RSPO3: variants seen among roughly 807,000 people sequenced by gnomAD.
RSPO3 encodes the protein R-spondin 3.
In RSPO3, 17 loss-of-function variants were observed where a neutral mutation model predicts 36.5. The observed-to-expected ratio is 0.47, with a 90% CI of 0.32 to 0.70. The LOEUF is 0.70. Ranked by LOEUF, RSPO3 falls within the 30% of genes least tolerant of loss-of-function variation. The probability of loss-of-function intolerance (pLI) is 0.04; values close to 1 mark genes in which losing one functional copy is unlikely to be tolerated. For missense variants in RSPO3, 294 were observed against 322.5 expected (o/e 0.91, Z 0.68); for synonymous variants, 108 against 107.0 (o/e 1.01, Z -0.06).
chr6:127,125,269 G>A (rs990510212), intron 1 of RSPO3, among the ~76,000 whole-genome samples: 3 of 152,056 alleles, frequency 2.0e-5, no homozygotes, highest in African/African-American at 7.2e-5. Flanking sequence ...CCTTATTAAT[G>A]TTTCATCTGA....
intron 2 of RSPO3, among the ~76,000 whole-genome samples, chr6:127,149,762 T>C (rs974496211): frequency 6.6e-6 from 1 of 152,080 alleles, no homozygotes. Flanking sequence ...ATAACTTTTG[T>C]GAGCCTCAGT....
chr6:127,126,596 A>G (rs557598332), intron 1 of RSPO3, among the ~76,000 whole-genome samples: 1 of 152,082 alleles, frequency 6.6e-6, no homozygotes, highest in Admixed American at 6.6e-5. Flanking sequence ...CACAGATCAT[A>G]AGGAGACCTG....
rs150542380 is a variant in RSPO3 at position 127,123,144 on chromosome 6, A to T, written c.97+3855A>T. Among the ~76,000 whole-genome samples the T allele has an allele frequency of 3.5e-4, 54 of 152,304 alleles. 1 individual carries two copies. In the East Asian group the frequency reaches 9.4e-3, roughly 27 times the overall value. On this transcript the variant is annotated intron_variant, in intron 1 of 4. Transcript: ENST00000356698. ...GAATGTACTGGTCATTGCTCATGAC[A>T]TTGTTTCAGATGTTGAGCCAGTCTT...
chr6:127,127,235 T>C (rs1319266130), intron 1 of RSPO3, among the ~76,000 whole-genome samples: 1 of 152,112 alleles, frequency 6.6e-6, no homozygotes, highest in African/African-American at 2.4e-5. Context: ...GATAAGTTGG[T>C]AAGAAAAACA....
At chr6:127,194,708 T>C (rs1775478265) in intron 4 of RSPO3, among the ~76,000 whole-genome samples, 1 of 152,212 alleles carries the variant, frequency 6.6e-6, no homozygotes, top group African/African-American at 2.4e-5. Flanking sequence ...TTGGCTACAA[T>C]AATACCTTTT....
intron 1 of RSPO3, among the ~76,000 whole-genome samples, chr6:127,130,555 T>C (rs1195224425): frequency 2.6e-5 from 4 of 152,284 alleles, no homozygotes; most frequent in Non-Finnish European, 4.4e-5. Flanking sequence ...CTAATAGTTA[T>C]CATGACCTGA....
At chr6:127,176,118 C>T (rs1026830842) in intron 4 of RSPO3, among the ~76,000 whole-genome samples, 9 of 151,544 alleles carry the variant, frequency 5.9e-5, no homozygotes, top group African/African-American at 1.7e-4. Flanking sequence ...GGGTTTTTGA[C>T]CCCAATGTTA....
At chr6:127,154,285 T>C (rs1168644597) in intron 3 of RSPO3, among the ~76,000 whole-genome samples, 1 of 152,170 alleles carries the variant, frequency 6.6e-6, no homozygotes, top group African/African-American at 2.4e-5. Context: ...TTGCTAGCTG[T>C]TGTTATACAT....
At chr6:127,192,853 T>A (rs942379312) in intron 4 of RSPO3, 1 of 242,002 alleles carries the variant, frequency 4.1e-6, no homozygotes, top group Non-Finnish European at 6.7e-6. Context: ...CAAAAAAGCC[T>A]GAAAAAAATA....
At chr6:127,181,725 CT>C (rs1303461247) in intron 4 of RSPO3, among the ~76,000 whole-genome samples, 1 of 151,870 alleles carries the variant, frequency 6.6e-6, no homozygotes, top group Non-Finnish European at 1.5e-5. Flanking sequence ...CTTACTTCTG[CT>C]TTCCTTCAGT....
At chr6:127,192,069 C>T (rs1775422447) in intron 4 of RSPO3, among the ~76,000 whole-genome samples, 2 of 152,164 alleles carry the variant, frequency 1.3e-5, no homozygotes, top group Admixed American at 1.3e-4. Flanking sequence ...AGGCTCACCT[C>T]AAACATCATT....
intron 3 of RSPO3, among the ~76,000 whole-genome samples, chr6:127,150,945 G>A (rs887480427): frequency 2.0e-5 from 3 of 151,584 alleles, no homozygotes; most frequent in African/African-American, 4.8e-5. Flanking sequence ...GATCTGTTAT[G>A]TGACATACAT....
At chr6:127,120,644 T>C (rs1026657057) in intron 1 of RSPO3, among the ~76,000 whole-genome samples, 1 of 152,218 alleles carries the variant, frequency 6.6e-6, no homozygotes, top group African/African-American at 2.4e-5. Flanking sequence ...CCCCTGGGCA[T>C]GAGGGTCCCC....
At chr6:127,172,215 T>C (rs1021866103) in intron 4 of RSPO3, among the ~76,000 whole-genome samples, 1 of 137,034 alleles carries the variant, frequency 7.3e-6, no homozygotes, top group African/African-American at 2.6e-5. Context: ...CAGATATAAA[T>C]ATATATATAT....
chr6:127,127,262 GT>G (rs1773956664), intron 1 of RSPO3, among the ~76,000 whole-genome samples: 1 of 151,996 alleles, frequency 6.6e-6, no homozygotes, highest in African/African-American at 2.4e-5. Flanking sequence ...CTTTCTCATT[GT>G]TTTTTGTTCC....
At chr6:127,129,331 A>T (rs1774004842) in intron 1 of RSPO3, among the ~76,000 whole-genome samples, 1 of 152,084 alleles carries the variant, frequency 6.6e-6, no homozygotes, top group African/African-American at 2.4e-5. Context: ...AGGATTTTCA[A>T]ATCTTGCCAT....
chr6:127,158,141 G>C (rs1451412563), intron 4 of RSPO3, among the ~76,000 whole-genome samples: 1 of 118,004 alleles, frequency 8.5e-6, no homozygotes, highest in Non-Finnish European at 2.0e-5. Context: ...AAATTTAGTA[G>C]AGGACTTTAT....
chr6:127,144,644 T>TTTTTTTTTTTTTTTG lies in RSPO3; in HGVS notation c.98-3992_98-3991insTTGTTTTTTTTTTTT, dbSNP rs1554220628. Among the ~76,000 whole-genome samples, 8 of 83,336 alleles carry TTTTTTTTTTTTTTTG rather than the reference T, an allele frequency of 9.6e-5. 2 individuals carry two copies. The highest frequency in any genetic ancestry group is 1.6e-4 in the Non-Finnish European group (6 of 37,008). The allele number at this position is 83,336 out of a possible 152,430, so 54.7% of individuals were successfully genotyped here. On this transcript the variant is annotated intron_variant, in intron 1 of 4. Coordinates refer to ENST00000356698, the MANE Select transcript of RSPO3 (RefSeq NM_032784.5). ...GTAATTTTTCAGTAGCTTCCCCTTG[T>TTTTTTTTTTTTTTTG]TTTTTTTTTTTTCAGACAGAGTCTC...
At chr6:127,140,073 G>A (rs1488885753) in intron 1 of RSPO3, among the ~76,000 whole-genome samples, 1 of 152,024 alleles carries the variant, frequency 6.6e-6, no homozygotes, top group Non-Finnish European at 1.5e-5. Flanking sequence ...TATCCAATTT[G>A]AAATTAGTCC....
Sources: allele counts gnomAD v4.1 joint callset (sites outside exome capture counted in the v4.1 genomes callset), GRCh38; gene constraint gnomAD v4.1.1; transcripts MANE v1.5; gene names NCBI Gene and HGNC (gene_info 2026-07-23, HGNC 2026-07-21).